Variants in ODAD3 observed in about 807,000 individuals in gnomAD.
ODAD3 encodes outer dynein arm docking complex subunit 3.
ODAD3 carries 57 observed loss-of-function variants against 70.9 expected under a neutral mutation model. The ratio of observed to expected loss-of-function variants is 0.80; its 90% confidence interval spans 0.65 to 1.00. The LOEUF (loss-of-function observed/expected upper bound fraction) is 1.00. Ranked by LOEUF, ODAD3 falls within the 50% of genes least tolerant of loss-of-function variation. ODAD3 has a pLI of 0.00. For synonymous variants in ODAD3, 327 were observed against 315.9 expected (o/e 1.04, Z -0.37); for missense variants, 797 against 763.9 (o/e 1.04, Z -0.51).
rs1422625636 is a variant in ODAD3 at position 11,425,547 on chromosome 19, GTA to G, written c.963+595_963+596del. Among the ~76,000 whole-genome samples the G allele has an allele frequency of 4.8e-4, 58 of 119,734 alleles. 1 individual carries two copies. The South Asian group carries it at 0.013, about 26-fold the overall frequency. 78.6% of individuals were successfully genotyped at this position (119,734 alleles called of 152,430 possible). On this transcript the variant is annotated intron_variant, in intron 7 of 12. Coordinates refer to ENST00000356392, the MANE Select transcript of ODAD3 (RefSeq NM_145045.5). ...TATATGTATATATGTGTGTATGTAT[GTA>G]TATATGTATATATGTGTGTATGTAT...
rs375257163 is a variant in ODAD3, at chr19:11,422,337, C to T, written c.1434+134G>A. ...GTGGGGCTTCCCCTGTGGGCGGGGC[C>T]TCTGACGTCCGGGACAGAGGATGTG... On this transcript the variant is annotated intron_variant, in intron 10 of 12. Transcript: ENST00000356392. The surrounding 1 kb of genome is among the most constrained non-coding windows in gnomAD (Gnocchi z 4.6). 11 of 1,151,734 alleles carry T rather than the reference C, an allele frequency of 9.6e-6. No individual in the cohort carries two copies. The highest frequency in any genetic ancestry group is 1.3e-5 in the Non-Finnish European group (11 of 844,858). 71.3% of individuals were successfully genotyped at this position (1,151,734 alleles called of 1,614,324 possible). A position where few individuals can be genotyped will look rare whatever the true frequency, so the allele number is the denominator to read the frequency against.
At chr19:11,425,083 A>ATATG (rs1969267330) in intron 7 of ODAD3, among the ~76,000 whole-genome samples, 2 of 136,256 alleles carry the variant, frequency 1.5e-5, no homozygotes, top group African/African-American at 6.3e-5. Flanking sequence ...ATATGTGTAT[A>ATATG]TGTACATATG....
intron 3 of ODAD3, among the ~76,000 whole-genome samples, chr19:11,429,598 C>T (rs553005784): frequency 7.5e-4 from 114 of 151,936 alleles, no homozygotes; most frequent in Non-Finnish European, 1.3e-3. Flanking sequence ...TTAGTAAAAA[C>T]AGGGTTTCAC....
chr19:11,424,733 G>A (rs1969233760), intron 7 of ODAD3, among the ~76,000 whole-genome samples: 3 of 6 alleles, frequency 0.5, no homozygotes, highest in Non-Finnish European at 0.5. Flanking sequence ...GTGTATATAT[G>A]TATATATGTG....
chr19:11,427,045 C>A lies in ODAD3; in HGVS notation c.445-5G>T. On this transcript the variant is annotated splice_region_variant and splice_polypyrimidine_tract_variant and intron_variant, in intron 3 of 12. Coordinates refer to ENST00000356392, the MANE Select transcript of ODAD3 (RefSeq NM_145045.5). The stretch of plus-strand genomic sequence containing the variant: ...GTGGTCTAGGTGCTCCAGGGCCTGC[C>A]GCAAGGAGGGGAGCGAAAGCAGGAG... 1 of 1,573,360 alleles carries A rather than the reference C, an allele frequency of 6.4e-7. No homozygotes were observed. The highest frequency in any genetic ancestry group is 8.6e-7 in the Non-Finnish European group (1 of 1,164,982).
In ODAD3 at chr19:11,425,499, G is replaced by A. The variant is rs912726391; in HGVS notation, c.963+645C>T. On this transcript the variant is annotated intron_variant, in intron 7 of 12. Coordinates refer to ENST00000356392, the MANE Select transcript of ODAD3 (RefSeq NM_145045.5). ...TATATGTGTGTATATATGTATATATGTATATATGTGTGTATATATGTATAT... is the reference window on the plus strand; with the variant it reads ...TATATGTGTGTATATATGTATATATATATATATGTGTGTATATATGTATAT... 1.4e-4 allele frequency among the ~76,000 whole-genome samples: 20 copies of A among 139,890 alleles called. 1 individual carries two copies. The highest frequency in any genetic ancestry group is 8.0e-4 in the Admixed American group (11 of 13,712). The allele number at this position is 139,890 out of a possible 152,430, so 91.8% of individuals were successfully genotyped here. A position where few individuals can be genotyped will look rare whatever the true frequency, so the allele number is the denominator to read the frequency against.
chr19:11,421,998 G>A (rs1341144922), intron 10 of ODAD3, among the ~76,000 whole-genome samples, 166 bp from the exon 11 acceptor site: 1 of 152,052 alleles, frequency 6.6e-6, no homozygotes, highest in Non-Finnish European at 1.5e-5. Flanking sequence ...GGCCACGTCT[G>A]TGATGGGGGA....
intron 3 of ODAD3, 84 bp downstream of exon 3, chr19:11,430,615 G>C: frequency 1.6e-6 from 2 of 1,260,762 alleles, no homozygotes; most frequent in Non-Finnish European, 2.3e-6. Flanking sequence ...GTGCAGGAAG[G>C]ATTGGAGAGG....
chr19:11,426,511 T>C lies in ODAD3; in HGVS notation c.775A>G (p.Lys259Glu), dbSNP rs745486581. Residue 259 changes from lysine (K) to glutamate (E), a missense_variant, in exon 6 of 13, where the codon AAA becomes GAA. Transcript: ENST00000356392. The stretch of plus-strand genomic sequence containing the variant: ...ACGTGCAGTGCCTCCAGCTCATGTT[T>C]GGTCCTCACCACCTCAGCCTCCATG... ...DSMEAEVVRT[K>E]HELEALHVVN... 40 of 1,613,932 alleles carry C rather than the reference T, an allele frequency of 2.5e-5. No individual in the cohort carries two copies. In the East Asian group the frequency reaches 5.3e-4, roughly 22 times the overall value.
intron 1 of ODAD3, among the ~76,000 whole-genome samples, chr19:11,432,022 A>G (rs1418577103): frequency 6.6e-6 from 1 of 151,808 alleles, no homozygotes; most frequent in African/African-American, 2.4e-5. Context: ...GAGGCACAAT[A>G]ATTACTTGAC....
intron 7 of ODAD3, among the ~76,000 whole-genome samples, 157 bp from the exon 8 acceptor site, chr19:11,424,186 G>A (rs1969208869): frequency 6.6e-6 from 1 of 152,132 alleles, no homozygotes; most frequent in African/African-American, 2.4e-5. Flanking sequence ...AGGCACCCGG[G>A]CAGGTGTCAA....
At chr19:11,432,142 C>A (rs1423238749) in intron 1 of ODAD3, among the ~76,000 whole-genome samples, 1 of 152,082 alleles carries the variant, frequency 6.6e-6, no homozygotes, top group Non-Finnish European at 1.5e-5. Context: ...CAAAAAACCC[C>A]AAAATCCTTC....
chr19:11,426,484 C>T lies in ODAD3; in HGVS notation c.802G>A (p.Val268Met). The T allele has an allele frequency of 6.2e-7, 1 of 1,614,060 alleles. No homozygotes were observed. The highest frequency in any genetic ancestry group is 8.5e-7 in the Non-Finnish European group (1 of 1,179,974). Residue 268 changes from valine to methionine, a missense_variant, in exon 6 of 13, where the codon GTG (valine) becomes ATG (methionine). By Grantham distance (21) the Val-to-Met change is conservative. Coordinates refer to ENST00000356392, the MANE Select transcript of ODAD3 (RefSeq NM_145045.5). ...CGGGCATTGAGGGCCTCTTGGTTCA[C>T]CACGTGCAGTGCCTCCAGCTCATGT... ...TKHELEALHV[V>M]NQEALNARDI...
At position 11,434,876 on chromosome 19, in the gene ODAD3, C is replaced by T. The variant is rs781263508; in HGVS notation, c.141G>A (p.Ala47=). 3 of 1,614,190 alleles carry T rather than the reference C, an allele frequency of 1.9e-6. No homozygotes were observed. Among genetic ancestry groups the T allele is most frequent in the Non-Finnish European group, 1.7e-6 (2 of 1,180,040 alleles). ...CTCCCTTGGAACGGCCTGGGGTCCA[C>T]GCCTGGGCTGTGCCCTTGCCTCGGA... is the stretch of plus-strand genomic sequence containing the variant. ...SHLRGKGTAQ[A]WTPGRSKGGS... The change falls in exon 1 of 13, where the codon GCG becomes GCA. Residue 47 remains alanine (A), a synonymous_variant. Coordinates refer to ENST00000356392, the MANE Select transcript of ODAD3 (RefSeq NM_145045.5).
At chr19:11,425,617 GCA>G in intron 7 of ODAD3, among the ~76,000 whole-genome samples, 3 of 137,080 alleles carry the variant, frequency 2.2e-5, no homozygotes, top group African/African-American at 9.3e-5. Flanking sequence ...GTGTATATAT[GCA>G]TATATGCATA....
In ODAD3 at chr19:11,422,425, G is replaced by T. The variant is rs1969159845; in HGVS notation, c.1434+46C>A. ...AACCCCGCTTCGTGGCTGCGCCTCT[G>T]CGGTCCCAGGAGGGCCTGTCGGGGC... On this transcript the variant is annotated intron_variant, in intron 10 of 12. Transcript: ENST00000356392. This position sits in a 1 kb window ranked among gnomAD's most constrained non-coding sequence, Gnocchi z 4.6. 2 of 1,487,954 alleles carry T rather than the reference G, an allele frequency of 1.3e-6. No individual in the cohort carries two copies. The highest frequency in any genetic ancestry group is 9.0e-7 in the Non-Finnish European group (1 of 1,115,962). 92.2% of individuals were successfully genotyped at this position (1,487,954 alleles called of 1,614,324 possible).
chr19:11,435,534 A>G, upstream of ODAD3: 1 of 510,050 alleles, frequency 2.0e-6, no homozygotes, highest in South Asian at 1.7e-5. Context: ...CGGCTCTGGC[A>G]CCGCCCCCAC....
intron 7 of ODAD3, among the ~76,000 whole-genome samples, chr19:11,425,127 G>T (rs1432800422): frequency 7.7e-6 from 1 of 129,406 alleles, no homozygotes; most frequent in Non-Finnish European, 1.5e-5. Flanking sequence ...ATGTACATAT[G>T]TGTATATGTG....
chr19:11,422,553 T>C lies in ODAD3; in HGVS notation c.1352A>G (p.Gln451Arg), dbSNP rs1969163567. The change falls in exon 10 of 13, where the codon CAG becomes CGG. Residue 451 changes from glutamine (Q) to arginine (R), a missense_variant. By Grantham distance (43) the Gln-to-Arg change is conservative (BLOSUM62 1). Transcript: ENST00000356392. This position sits in a 1 kb window ranked among gnomAD's most constrained non-coding sequence, Gnocchi z 4.6. ...EERRHAEAKD[Q>R]LERALRAMQV... The stretch of plus-strand genomic sequence containing the variant: ...CATCGCCCGCAAGGCGCGCTCCAGC[T>C]GGTCCTTGGCCTCGGCGTGCCGCCG... 1 of 1,592,182 alleles carries C rather than the reference T, an allele frequency of 6.3e-7. No individual in the cohort carries two copies. The highest frequency in any genetic ancestry group is 1.3e-5 in the African/African-American group (1 of 74,850).
Sources: gnomAD v4.1 joint callset for allele counts (sites outside exome capture counted in the v4.1 genomes callset) on GRCh38, gnomAD v4.1.1 for gene constraint, Gnocchi (gnomAD v3.1) non-coding constraint, MANE v1.5 for transcripts, NCBI Gene and HGNC (gene_info 2026-07-23, HGNC 2026-07-21) for gene names.